The following PCDHB13 variants were observed in gnomAD, a reference collection of about 807,000 sequenced individuals.
PCDHB13 encodes the protein protocadherin beta 13.
For synonymous variants in PCDHB13, 515 were observed against 450.7 expected (o/e 1.14, Z -1.81); for missense variants, 1,065 against 1,016.7 (o/e 1.05, Z -0.65).
rs781838068 is a variant in PCDHB13, at chr5:141,215,478, C to G, written c.1355C>G (p.Thr452Ser). Residue 452 changes from threonine (T) to serine (S), a missense_variant, in exon 1 of 1, where the codon ACC (threonine) becomes AGC (serine). Coordinates refer to ENST00000341948, the MANE Select transcript of PCDHB13 (RefSeq NM_018933.4). ...GTCAATGACAACGCTCCCGCCTTCACCCAAACCTCCTACACCCTGTTCGTC... is the reference window on the plus strand; with the variant it reads ...GTCAATGACAACGCTCCCGCCTTCAGCCAAACCTCCTACACCCTGTTCGTC... Reference protein sequence around the residue: ...ADVNDNAPAFTQTSYTLFVRE... With the variant: ...ADVNDNAPAFSQTSYTLFVRE... 5 of 1,614,090 alleles carry G rather than the reference C, an allele frequency of 3.1e-6. No individual in the cohort carries two copies. Among genetic ancestry groups the G allele is most frequent in the Non-Finnish European group, 4.2e-6 (5 of 1,180,052 alleles).
In PCDHB13 at chr5:141,216,364, G is replaced by C; in HGVS notation, c.2241G>C (p.Gln747His). 1 of 1,614,174 alleles carries C rather than the reference G, an allele frequency of 6.2e-7. No individual in the cohort carries two copies. Among genetic ancestry groups the C allele is most frequent in the Non-Finnish European group, 8.5e-7 (1 of 1,180,034 alleles). Residue 747 changes from glutamine (Q) to histidine (H), a missense_variant, in exon 1 of 1, where the codon CAG becomes CAC. Gln to His is a conservative substitution (Grantham distance 24). Transcript: ENST00000341948. ...TGAGCGGCACCAGGACCCTATCCCA[G>C]AGCTACCAGTATGAGGTGTGTCTGG... ...VDMSGTRTLS[Q>H]SYQYEVCLAG... is the part of the protein sequence containing the mutation.
In PCDHB13 at chr5:141,214,593, A is replaced by T. The variant is rs527542865; in HGVS notation, c.470A>T (p.Asn157Ile). Residue 157 changes from asparagine to isoleucine, a missense_variant, in exon 1 of 1, where the codon AAT becomes ATT. Physicochemically the swap from Asn to Ile is moderately radical, Grantham distance 149. Transcript: ENST00000341948. ...SPPGTTFPLK[N>I]AEDLDVGQNN... ...CCTGGGACTACGTTTCCTCTGAAGA[A>T]TGCCGAAGACTTAGATGTAGGCCAA... is the stretch of plus-strand genomic sequence containing the variant. 1 of 1,614,242 alleles carries T rather than the reference A, an allele frequency of 6.2e-7. No individual in the cohort carries two copies. Among genetic ancestry groups the T allele is most frequent in the East Asian group, 2.2e-5 (1 of 44,886 alleles).
Position 141,215,920 on chromosome 5 carries a change from C to T in PCDHB13, c.1797C>T (p.Asn599=), listed in dbSNP as rs1312931213. The stretch of plus-strand genomic sequence containing the variant: ...CGGTGGACGGCGACTCGGGCCAGAA[C>T]GCCTGGCTGTCGTACCAGCTGCTCA... The part of the protein sequence containing the change: ...VVAVDGDSGQ[N]AWLSYQLLKA... Residue 599 remains asparagine, a synonymous_variant, in exon 1 of 1, where the codon AAC becomes AAT. Coordinates refer to ENST00000341948, the MANE Select transcript of PCDHB13 (RefSeq NM_018933.4). 15 of 1,606,620 alleles carry T rather than the reference C, an allele frequency of 9.3e-6. No individual in the cohort carries two copies. Among genetic ancestry groups the T allele is most frequent in the South Asian group, 4.4e-5 (4 of 90,890 alleles).
chr5:141,214,764 C>G lies in PCDHB13; in HGVS notation c.641C>G (p.Thr214Arg). The G allele has an allele frequency of 6.2e-7, 1 of 1,614,184 alleles. No individual in the cohort carries two copies. Among genetic ancestry groups the G allele is most frequent in the Non-Finnish European group, 8.5e-7 (1 of 1,180,026 alleles). Residue 214 changes from threonine to arginine, a missense_variant, in exon 1 of 1, where the codon ACA becomes AGA. Coordinates refer to ENST00000341948, the MANE Select transcript of PCDHB13 (RefSeq NM_018933.4). Reference sequence around the variant, plus strand: ...GAAGCTGAGCTCAGGTTAACACTCACAGCACTGGATGGTGGCTCTCCGCCC... The same window carrying G: ...GAAGCTGAGCTCAGGTTAACACTCAGAGCACTGGATGGTGGCTCTCCGCCC... ...EEEAELRLTL[T>R]ALDGGSPPRS...
In PCDHB13 at chr5:141,216,187, C is replaced by G. The variant is rs1754605197; in HGVS notation, c.2064C>G (p.Val688=). ...AGGCCCAGGCCGACTTGCTCACCGT[C>G]TACCTGGTGGTGGCGTTGGCCTCGG... ...PTQAQADLLT[V]YLVVALASVS... The change falls in exon 1 of 1, where the codon GTC becomes GTG. Residue 688 remains valine, a synonymous_variant. Coordinates refer to ENST00000341948, the MANE Select transcript of PCDHB13 (RefSeq NM_018933.4). 5 of 1,612,566 alleles carry G rather than the reference C, an allele frequency of 3.1e-6. No homozygotes were observed. Among genetic ancestry groups the G allele is most frequent in the East Asian group, 2.2e-5 (1 of 44,870 alleles).
rs781921966 is a variant in PCDHB13, at chr5:141,215,864, G to T, written c.1741G>T (p.Glu581Ter). The T allele has an allele frequency of 2.6e-5, 42 of 1,607,424 alleles. No individual in the cohort carries two copies. Among genetic ancestry groups the T allele is most frequent in the South Asian group, 1.1e-5 (1 of 90,878 alleles). Residue 581 changes from glutamate (E) to a stop codon, truncating the protein, a stop_gained, in exon 1 of 1, where the codon GAG (glutamate) becomes TAG (stop). Coordinates refer to ENST00000341948, the MANE Select transcript of PCDHB13 (RefSeq NM_018933.4). LOFTEE classifies it low-confidence loss of function (END_TRUNC). ...PCTELVPRAA[E>*]PGYLVTKVVA... ...CACCGAGCTGGTGCCCCGGGCGGCC[G>T]AGCCGGGCTACCTGGTGACCAAGGT... is the stretch of plus-strand genomic sequence containing the variant.
In PCDHB13 at chr5:141,215,658, A is replaced by C; in HGVS notation, c.1535A>C (p.His512Pro). Reference protein sequence around the residue: ...SLVSINADNGHLFALRSLDYE... With the variant: ...SLVSINADNGPLFALRSLDYE... ...GTCTCCATCAACGCGGACAACGGCC[A>C]CCTGTTCGCCCTCAGGTCTCTGGAC... is the stretch of plus-strand genomic sequence containing the variant. The change falls in exon 1 of 1, where the codon CAC becomes CCC. Residue 512 changes from histidine to proline, a missense_variant. By Grantham distance (77) the His-to-Pro change is moderately conservative (BLOSUM62 -2). Coordinates refer to ENST00000341948, the MANE Select transcript of PCDHB13 (RefSeq NM_018933.4). 1 of 1,613,290 alleles carries C rather than the reference A, an allele frequency of 6.2e-7. No individual in the cohort carries two copies. The highest frequency in any genetic ancestry group is 8.5e-7 in the Non-Finnish European group (1 of 1,179,992).
In PCDHB13 at chr5:141,214,989, T is replaced by C. The variant is rs1206801545; in HGVS notation, c.866T>C (p.Ile289Thr). ...TCACTTTTCCAAGCTTCAGAAGAGA[T>C]TGGCAAAACCTTTAAGATCAATCCC... Reference protein sequence around the residue: ...SYSLFQASEEIGKTFKINPLT... With the variant: ...SYSLFQASEETGKTFKINPLT... The change falls in exon 1 of 1, where the codon ATT (isoleucine) becomes ACT (threonine). Residue 289 changes from isoleucine to threonine, a missense_variant. Physicochemically the swap from Ile to Thr is moderately conservative, Grantham distance 89. Coordinates refer to ENST00000341948, the MANE Select transcript of PCDHB13 (RefSeq NM_018933.4). 17 of 1,613,956 alleles carry C rather than the reference T, an allele frequency of 1.1e-5. No individual in the cohort carries two copies. Among genetic ancestry groups the C allele is most frequent in the African/African-American group, 8.0e-5 (6 of 74,872 alleles).
chr5:141,215,437 C>G lies in PCDHB13; in HGVS notation c.1314C>G (p.Thr438=), dbSNP rs201145725. The G allele has an allele frequency of 2.4e-5, 38 of 1,614,032 alleles. No homozygotes were observed. In the South Asian group the frequency reaches 3.6e-4, roughly 15 times the overall value. ...TPMLITQLNM[T]VLIADVNDNA... ...TGCTGATAACACAGCTCAATATGAC[C>G]GTGCTGATCGCCGATGTCAATGACA... Residue 438 remains threonine (T), a synonymous_variant, in exon 1 of 1, where the codon ACC becomes ACG. Transcript: ENST00000341948.
rs1554287730 is a variant in PCDHB13 at position 141,214,840 on chromosome 5, T to A, written c.717T>A (p.Asn239Lys). 2 of 1,614,090 alleles carry A rather than the reference T, an allele frequency of 1.2e-6. No homozygotes were observed. Among genetic ancestry groups the A allele is most frequent in the South Asian group, 1.1e-5 (1 of 91,078 alleles). Residue 239 changes from asparagine (N) to lysine (K), a missense_variant, in exon 1 of 1, where the codon AAT (asparagine) becomes AAA (lysine). Asn to Lys is a moderately conservative substitution (Grantham distance 94). Coordinates refer to ENST00000341948, the MANE Select transcript of PCDHB13 (RefSeq NM_018933.4). ...TCGAAGTCCTGGATGTCAACGATAATGCCCCTGAATTTGAGCAGCCTTTCT... is the reference window on the plus strand; with the variant it reads ...TCGAAGTCCTGGATGTCAACGATAAAGCCCCTGAATTTGAGCAGCCTTTCT... ...VYIEVLDVND[N>K]APEFEQPFYR...
At position 141,216,023 on chromosome 5, in the gene PCDHB13, G is replaced by A; in HGVS notation, c.1900G>A (p.Asp634Asn). 1.2e-6 allele frequency: 2 copies of A among 1,607,066 alleles called. No individual in the cohort carries two copies. The highest frequency in any genetic ancestry group is 1.1e-5 in the South Asian group (1 of 90,920). The change falls in exon 1 of 1, where the codon GAC becomes AAC. Residue 634 changes from aspartate (D) to asparagine (N), a missense_variant. Transcript: ENST00000341948. The part of the protein sequence containing the change: ...VRTARLLSER[D>N]AAKHRLVVLV... ...CACCGCCAGGCTGCTGAGCGAGCGC[G>A]ACGCGGCCAAGCACAGGCTGGTGGT...
rs781872111 is a variant in PCDHB13 at position 141,216,156 on chromosome 5, C to G, written c.2033C>G (p.Pro678Arg). The G allele has an allele frequency of 1.2e-6, 2 of 1,611,858 alleles. No individual in the cohort carries two copies. The highest frequency in any genetic ancestry group is 2.2e-5 in the East Asian group (1 of 44,876). ...TACCTGCCTCTCCCGGAGGCGGCCC[C>G]GACCCAGGCCCAGGCCGACTTGCTC... ...QPYLPLPEAA[P>R]TQAQADLLTV... The change falls in exon 1 of 1, where the codon CCG becomes CGG. Residue 678 changes from proline (P) to arginine (R), a missense_variant. By Grantham distance (103) the Pro-to-Arg change is moderately radical (BLOSUM62 -2). Coordinates refer to ENST00000341948, the MANE Select transcript of PCDHB13 (RefSeq NM_018933.4).
rs1172626901 is a variant in PCDHB13, at chr5:141,215,941, G to T, written c.1818G>T (p.Leu606=). 8 of 1,607,236 alleles carry T rather than the reference G, an allele frequency of 5.0e-6. No homozygotes were observed. Among genetic ancestry groups the T allele is most frequent in the Non-Finnish European group, 5.9e-6 (7 of 1,179,420 alleles). ...SGQNAWLSYQ[L]LKATELGLFG... ...AGAACGCCTGGCTGTCGTACCAGCT[G>T]CTCAAGGCCACGGAGCTCGGTCTGT... The change falls in exon 1 of 1, where the codon CTG becomes CTT. Residue 606 remains leucine, a synonymous_variant. Coordinates refer to ENST00000341948, the MANE Select transcript of PCDHB13 (RefSeq NM_018933.4).
At position 141,214,760 on chromosome 5, in the gene PCDHB13, C is replaced by T. The variant is rs782656632; in HGVS notation, c.637C>T (p.Leu213Phe). The change falls in exon 1 of 1, where the codon CTC becomes TTC. Residue 213 changes from leucine to phenylalanine, a missense_variant. Transcript: ENST00000341948. ...REEEAELRLT[L>F]TALDGGSPPR... ...GGAAGAAGCTGAGCTCAGGTTAACA[C>T]TCACAGCACTGGATGGTGGCTCTCC... is the stretch of plus-strand genomic sequence containing the variant. 1 of 1,614,178 alleles carries T rather than the reference C, an allele frequency of 6.2e-7. No homozygotes were observed. The highest frequency in any genetic ancestry group is 2.2e-5 in the East Asian group (1 of 44,884).
chr5:141,216,285 C>G lies in PCDHB13; in HGVS notation c.2162C>G (p.Ser721Trp), dbSNP rs782075083. ...CTGTGTAGGAGGAGCAGGGCGGCCTCGGTGGGTCGCTGCTTGGTGCCCGAG... is the reference window on the plus strand; with the variant it reads ...CTGTGTAGGAGGAGCAGGGCGGCCTGGGTGGGTCGCTGCTTGGTGCCCGAG... Reference protein sequence around the residue: ...VRLCRRSRAASVGRCLVPEGP... With the variant: ...VRLCRRSRAAWVGRCLVPEGP... The change falls in exon 1 of 1, where the codon TCG becomes TGG. Residue 721 changes from serine to tryptophan, a missense_variant. Coordinates refer to ENST00000341948, the MANE Select transcript of PCDHB13 (RefSeq NM_018933.4). 1.1e-5 allele frequency: 17 copies of G among 1,613,944 alleles called. No homozygotes were observed. Among genetic ancestry groups the G allele is most frequent in the East Asian group, 2.2e-5 (1 of 44,862 alleles).
At position 141,215,467 on chromosome 5, in the gene PCDHB13, T is replaced by C. The variant is rs376492808; in HGVS notation, c.1344T>C (p.Ala448=). The change falls in exon 1 of 1, where the codon GCT becomes GCC. Residue 448 remains alanine, a synonymous_variant. Coordinates refer to ENST00000341948, the MANE Select transcript of PCDHB13 (RefSeq NM_018933.4). ...TGATCGCCGATGTCAATGACAACGC[T>C]CCCGCCTTCACCCAAACCTCCTACA... is the stretch of plus-strand genomic sequence containing the variant. ...TVLIADVNDN[A]PAFTQTSYTL... The C allele has an allele frequency of 3.2e-5, 51 of 1,614,050 alleles. No individual in the cohort carries two copies. The highest frequency in any genetic ancestry group is 4.5e-5 in the East Asian group (2 of 44,868).
At position 141,215,997 on chromosome 5, in the gene PCDHB13, G is replaced by C. The variant is rs1183119804; in HGVS notation, c.1874G>C (p.Arg625Pro). Residue 625 changes from arginine (R) to proline (P), a missense_variant, in exon 1 of 1, where the codon CGC becomes CCC. Physicochemically the swap from Arg to Pro is moderately radical, Grantham distance 103 (BLOSUM62 -2). Transcript: ENST00000341948. ...FGVWAHNGEV[R>P]TARLLSERDA... ...GTGTGGGCGCACAATGGCGAGGTGC[G>C]CACCGCCAGGCTGCTGAGCGAGCGC... The C allele has an allele frequency of 9.3e-6, 15 of 1,606,702 alleles. No individual in the cohort carries two copies. The Admixed American group carries it at 1.7e-4, about 18-fold the overall frequency.
chr5:141,215,289 A>C lies in PCDHB13; in HGVS notation c.1166A>C (p.Asp389Ala), dbSNP rs151078947. Residue 389 changes from aspartate (D) to alanine (A), a missense_variant, in exon 1 of 1, where the codon GAT becomes GCT. Physicochemically the swap from Asp to Ala is moderately radical, Grantham distance 126. Transcript: ENST00000341948. ...AAAATTAGTTGCTCCATTCAGGAGG[A>C]TCTACCCTTCCTCCTGAAATCCGCG... is the stretch of plus-strand genomic sequence containing the variant. ...NGKISCSIQE[D>A]LPFLLKSAEN... is the part of the protein sequence containing the mutation. 21 of 1,613,976 alleles carry C rather than the reference A, an allele frequency of 1.3e-5. No homozygotes were observed. In the African/African-American group the frequency reaches 2.3e-4, roughly 17 times the overall value.
In PCDHB13 at chr5:141,216,002, G is replaced by A; in HGVS notation, c.1879G>A (p.Ala627Thr). ...VWAHNGEVRT[A>T]RLLSERDAAK... ...GGCGCACAATGGCGAGGTGCGCACC[G>A]CCAGGCTGCTGAGCGAGCGCGACGC... is the stretch of plus-strand genomic sequence containing the variant. Residue 627 changes from alanine to threonine, a missense_variant, in exon 1 of 1, where the codon GCC becomes ACC. Transcript: ENST00000341948. 1 of 1,606,924 alleles carries A rather than the reference G, an allele frequency of 6.2e-7. No individual in the cohort carries two copies. The highest frequency in any genetic ancestry group is 8.5e-7 in the Non-Finnish European group (1 of 1,179,558).
Sources: gnomAD v4.1 joint callset for allele counts on GRCh38, gnomAD v4.1.1 for gene constraint, MANE v1.5 for transcripts, NCBI Gene and HGNC (gene_info 2026-07-23, HGNC 2026-07-21) for gene names.